The following RNASEH2A variants were observed in gnomAD, a reference collection of about 807,000 sequenced individuals.
RNASEH2A encodes the protein RNase H(35).
A neutral mutation model predicts 32.7 loss-of-function variants in RNASEH2A; 30 were observed. The observed-to-expected ratio is 0.92, with a 90% CI of 0.69 to 1.25. The LOEUF (loss-of-function observed/expected upper bound fraction) is 1.25, where lower values mean the gene tolerates loss of function less well. RNASEH2A is among the 50% of genes most tolerant of loss of function. The pLI is 0.00. For synonymous variants in RNASEH2A, 147 were observed against 165.4 expected (o/e 0.89, Z 0.86); for missense variants, 409 against 398.1 (o/e 1.03, Z -0.23).
intron 6 of RNASEH2A, among the ~76,000 whole-genome samples, chr19:12,810,984 A>C (rs1969063620): frequency 1.3e-5 from 2 of 151,878 alleles, no homozygotes; most frequent in South Asian, 4.1e-4. Flanking sequence ...CTTTTTTTAA[A>C]GAGATGGGGT....
intron 6 of RNASEH2A, among the ~76,000 whole-genome samples, chr19:12,812,506 T>C (rs1165602419): frequency 6.6e-6 from 1 of 152,032 alleles, no homozygotes; most frequent in Non-Finnish European, 1.5e-5. Context: ...CACTACAGCC[T>C]GGGTGACAGA....
At chr19:12,809,983 G>A in intron 4 of RNASEH2A, 88 bp from the exon 5 acceptor site, 1 of 1,535,268 alleles carries the variant, frequency 6.5e-7, no homozygotes, top group Non-Finnish European at 9.0e-7. Flanking sequence ...AGAGGATTCT[G>A]GGTAGCAGGA....
Position 12,810,369 on chromosome 19 carries a change from A to G in RNASEH2A, c.602A>G (p.Asp201Gly). ...KKWQFVEKLQ[D>G]LDTDYGSGYP... Reference sequence around the variant, plus strand: ...TGGCAGTTCGTGGAGAAACTGCAGGACTTGGATACTGATTATGGCTCAGGC... The same window carrying G: ...TGGCAGTTCGTGGAGAAACTGCAGGGCTTGGATACTGATTATGGCTCAGGC... Residue 201 changes from aspartate to glycine, a missense_variant, in exon 6 of 8, where the codon GAC becomes GGC. Asp to Gly is a moderately conservative substitution (Grantham distance 94). Coordinates refer to ENST00000221486, the MANE Select transcript of RNASEH2A (RefSeq NM_006397.3). 1 of 1,614,122 alleles carries G rather than the reference A, an allele frequency of 6.2e-7. No individual in the cohort carries two copies. Among genetic ancestry groups the G allele is most frequent in the African/African-American group, 1.3e-5 (1 of 75,014 alleles).
At chr19:12,807,582 G>A in intron 4 of RNASEH2A, 76 bp downstream of exon 4, 2 of 1,216,148 alleles carry the variant, frequency 1.6e-6, no homozygotes, top group South Asian at 2.5e-5. Flanking sequence ...CGAGACTGCA[G>A]TGAGCCATGA....
intron 4 of RNASEH2A, among the ~76,000 whole-genome samples, chr19:12,809,591 C>T (rs79814976): frequency 0.066 from 10,106 of 152,296 alleles, 540 homozygotes; most frequent in African/African-American, 0.15. Context: ...CCTCCCACTT[C>T]GGCTTCCTAA....
chr19:12,808,038 G>T (rs1969021124), intron 4 of RNASEH2A: 2 of 190,820 alleles, frequency 1.0e-5, no homozygotes, highest in Non-Finnish European at 1.1e-5. Context: ...ATCACCTGAG[G>T]TCAGGAGTTG....
chr19:12,813,520 T>C lies in RNASEH2A; in HGVS notation c.*54T>C. On this transcript the variant is annotated 3_prime_UTR_variant, in exon 8 of 8. Transcript: ENST00000221486. ...CCCCAACCCAGACATTAAAATTGTT[T>C]AAGGAGAACCACACGTAGGGGATGT... 1 of 1,605,254 alleles carries C rather than the reference T, an allele frequency of 6.2e-7. No individual in the cohort carries two copies. The highest frequency in any genetic ancestry group is 2.2e-5 in the East Asian group (1 of 44,864).
In RNASEH2A at chr19:12,807,335, G is replaced by A. The variant is rs747327004; in HGVS notation, c.323+6G>A. 4 of 1,614,150 alleles carry A rather than the reference G, an allele frequency of 2.5e-6. No individual in the cohort carries two copies. In the East Asian group the frequency reaches 8.9e-5, roughly 36 times the overall value. On this transcript the variant is annotated splice_donor_region_variant and intron_variant, in intron 3 of 7. Transcript: ENST00000221486. ...TCTACCAGCATGCTTGGGCGGTGAGGGGTCCCCGGGAGGGGCAGCCAGCAT... is the reference window on the plus strand; with the variant it reads ...TCTACCAGCATGCTTGGGCGGTGAGAGGTCCCCGGGAGGGGCAGCCAGCAT...
chr19:12,810,108 A>C lies in RNASEH2A; in HGVS notation c.449A>C (p.Gln150Pro), dbSNP rs776172356. The change falls in exon 5 of 8, where the codon CAG (glutamine) becomes CCG (proline). Residue 150 changes from glutamine (Q) to proline (P), a missense_variant. By Grantham distance (76) the Gln-to-Pro change is moderately conservative (BLOSUM62 -1). Coordinates refer to ENST00000221486, the MANE Select transcript of RNASEH2A (RefSeq NM_006397.3). ...VDTVGMPETYQARLQQSFPGI... is the reference protein window; with the variant it reads ...VDTVGMPETYPARLQQSFPGI... Reference sequence around the variant, plus strand: ...ACCGTAGGGATGCCAGAGACATACCAGGCGCGGCTGCAGCAAAGTTTTCCC... The same window carrying C: ...ACCGTAGGGATGCCAGAGACATACCCGGCGCGGCTGCAGCAAAGTTTTCCC... The C allele has an allele frequency of 6.2e-7, 1 of 1,614,224 alleles. No homozygotes were observed. The highest frequency in any genetic ancestry group is 8.5e-7 in the Non-Finnish European group (1 of 1,180,032).
chr19:12,810,382 T>A lies in RNASEH2A; in HGVS notation c.615T>A (p.Asp205Glu), dbSNP rs62619782. 19,984 of 1,614,056 alleles carry A rather than the reference T, an allele frequency of 0.012. 179 individuals carry two copies. Among genetic ancestry groups the A allele is most frequent in the Middle Eastern group, 0.033 (200 of 6,062 alleles). The change falls in exon 6 of 8, where the codon GAT (aspartate) becomes GAA (glutamate). Residue 205 changes from aspartate (D) to glutamate (E), a missense_variant. Asp to Glu is a conservative substitution (Grantham distance 45). Coordinates refer to ENST00000221486, the MANE Select transcript of RNASEH2A (RefSeq NM_006397.3). ...AGAAACTGCAGGACTTGGATACTGA[T>A]TATGGCTCAGGCTACCCCAATGGTG... Reference protein sequence around the residue: ...FVEKLQDLDTDYGSGYPNDPK... With the variant: ...FVEKLQDLDTEYGSGYPNDPK...
chr19:12,807,134 G>A (rs1969005276), intron 2 of RNASEH2A, 55 bp downstream of exon 2: 5 of 1,614,046 alleles, frequency 3.1e-6, no homozygotes, highest in African/African-American at 1.3e-5. Flanking sequence ...GCAGGGGCAG[G>A]TGAGAACTGA....
rs1568388932 is a variant in RNASEH2A, at chr19:12,813,481, CGCTCTACCT to C, written c.*19_*27del. On this transcript the variant is annotated 3_prime_UTR_variant, in exon 8 of 8. Coordinates refer to ENST00000221486, the MANE Select transcript of RNASEH2A (RefSeq NM_006397.3). ...CCAGCCTCTAGCAGCTGCCTCTACG[CGCTCTACCT>C]GCTTCCCCAACCCAGACATTAAAAT... 1 of 1,612,108 alleles carries C rather than the reference CGCTCTACCT, an allele frequency of 6.2e-7. No individual in the cohort carries two copies. The highest frequency in any genetic ancestry group is 8.5e-7 in the Non-Finnish European group (1 of 1,180,002).
chr19:12,813,570 G>C lies in RNASEH2A; in HGVS notation c.*104G>C. The C allele has an allele frequency of 6.8e-7, 1 of 1,472,668 alleles. No individual in the cohort carries two copies. The highest frequency in any genetic ancestry group is 1.7e-5 in the Admixed American group (1 of 59,570). The allele number at this position is 1,472,668 out of a possible 1,614,324, so 91.2% of individuals were successfully genotyped here. ...TACTTTTGGGACAGAAGCAAGGTGG[G>C]AGTGTGCTCTGCAGCCGGGTCCAGC... On this transcript the variant is annotated 3_prime_UTR_variant, in exon 8 of 8. Transcript: ENST00000221486.
At chr19:12,810,449 G>A (rs1568387915) in intron 6 of RNASEH2A, 45 bp downstream of exon 6, 1 of 1,463,228 alleles carries the variant, frequency 6.8e-7, no homozygotes, top group Non-Finnish European at 9.6e-7. Flanking sequence ...AATGGCCAGG[G>A]CTGAGCACAC....
At chr19:12,812,789 G>A (rs1401398710) in intron 6 of RNASEH2A, among the ~76,000 whole-genome samples, 3 of 152,060 alleles carry the variant, frequency 2.0e-5, no homozygotes, top group Non-Finnish European at 4.4e-5. Context: ...GGTAGATCAC[G>A]AGGTCAAGCA....
Position 12,813,486 on chromosome 19 carries a change from T to A in RNASEH2A, c.*20T>A. The A allele has an allele frequency of 6.2e-7, 1 of 1,611,668 alleles. No individual in the cohort carries two copies. The highest frequency in any genetic ancestry group is 8.5e-7 in the Non-Finnish European group (1 of 1,179,990). ...CTCTAGCAGCTGCCTCTACGCGCTC[T>A]ACCTGCTTCCCCAACCCAGACATTA... On this transcript the variant is annotated 3_prime_UTR_variant, in exon 8 of 8. Coordinates refer to ENST00000221486, the MANE Select transcript of RNASEH2A (RefSeq NM_006397.3).
chr19:12,812,428 A>T (rs1257888462), intron 6 of RNASEH2A, among the ~76,000 whole-genome samples: 2 of 152,162 alleles, frequency 1.3e-5, no homozygotes, highest in Non-Finnish European at 2.9e-5. Context: ...GCTACTTGGG[A>T]GGCTGAGGCA....
intron 4 of RNASEH2A, among the ~76,000 whole-genome samples, chr19:12,808,661 A>G (rs1181388886): frequency 1.3e-5 from 2 of 152,228 alleles, no homozygotes; most frequent in African/African-American, 4.8e-5. Context: ...AAATTAAATC[A>G]GGAAAATTCA....
In RNASEH2A at chr19:12,813,064, A is replaced by G. The variant is rs758113011; in HGVS notation, c.638-19A>G. 7 of 1,613,622 alleles carry G rather than the reference A, an allele frequency of 4.3e-6. No homozygotes were observed. Among genetic ancestry groups the G allele is most frequent in the East Asian group, 4.5e-5 (2 of 44,886 alleles). On this transcript the variant is annotated intron_variant, in intron 6 of 7. Transcript: ENST00000221486. Reference sequence around the variant, plus strand: ...TTATGGTGCAACTTGGACTGTCACCATTGCCCACCCTACCCCAGATCCCAA... The same window carrying G: ...TTATGGTGCAACTTGGACTGTCACCGTTGCCCACCCTACCCCAGATCCCAA...
Sources: allele counts gnomAD v4.1 joint callset (sites outside exome capture counted in the v4.1 genomes callset), GRCh38; gene constraint gnomAD v4.1.1; transcripts MANE v1.5; gene names NCBI Gene and HGNC (gene_info 2026-07-23, HGNC 2026-07-21).